Variants in SUPT3H observed in about 807,000 individuals in gnomAD.
The protein encoded by SUPT3H is transcription initiation protein SPT3 homolog.
A neutral mutation model predicts 44.3 loss-of-function variants in SUPT3H; 44 were observed. The observed-to-expected ratio is 0.99, with a 90% CI of 0.78 to 1.28. The LOEUF (loss-of-function observed/expected upper bound fraction) is 1.28. SUPT3H is among the 50% of genes most tolerant of loss of function. SUPT3H has a pLI of 0.00. For missense variants in SUPT3H, 380 were observed against 387.1 expected, an observed-to-expected ratio of 0.98 and a Z score of 0.15; for synonymous variants, 124 against 125.6, an observed-to-expected ratio of 0.99 and a Z score of 0.09.
chr6:44,989,577 C>T (rs1327326993), intron 6 of SUPT3H, among the ~76,000 whole-genome samples: 1 of 152,088 alleles, frequency 6.6e-6, no homozygotes, highest in Admixed American at 6.6e-5. Flanking sequence ...GAGGAACTTC[C>T]ATGCTGTTTT....
intron 2 of SUPT3H, among the ~76,000 whole-genome samples, chr6:45,267,500 T>C (rs1584582473): frequency 6.6e-6 from 1 of 152,246 alleles, no homozygotes; most frequent in South Asian, 2.1e-4. Context: ...AGTTATTGAA[T>C]TAAAAAATAT....
intron 7 of SUPT3H, among the ~76,000 whole-genome samples, chr6:44,959,640 T>C (rs1005835060): frequency 2.6e-5 from 4 of 152,118 alleles, no homozygotes; most frequent in Non-Finnish European, 5.9e-5. Flanking sequence ...TTTAAAAGAC[T>C]TTAAGAGAAA....
At chr6:45,343,909 C>A (rs1176891856) in intron 2 of SUPT3H, among the ~76,000 whole-genome samples, 1 of 152,174 alleles carries the variant, frequency 6.6e-6, no homozygotes, top group African/African-American at 2.4e-5. Flanking sequence ...CTCCACCTGA[C>A]AGGTCTACAG....
chr6:45,371,937 C>T (rs994123931), intron 1 of SUPT3H: 2 of 793,736 alleles, frequency 2.5e-6, no homozygotes, highest in African/African-American at 3.8e-5. Context: ...CAAGGACACA[C>T]TACTATTTAG....
At chr6:45,247,150 C>T (rs934660347) in intron 2 of SUPT3H, among the ~76,000 whole-genome samples, 15 of 152,076 alleles carry the variant, frequency 9.9e-5, no homozygotes, top group African/African-American at 1.7e-4. Context: ...ATAACGTTGA[C>T]GAATTAAAAG....
At chr6:45,128,813 A>G (rs9463069) in intron 2 of SUPT3H, among the ~76,000 whole-genome samples, 131,383 of 150,518 alleles carry the variant, frequency 0.87, 57,604 homozygotes, top group African/African-American at 0.92. Context: ...AGCCTCCTGA[A>G]TGGCTGGGAT....
In SUPT3H at chr6:45,114,829, T is replaced by C. The variant is rs144158656; in HGVS notation, c.102-8823A>G. Among the ~76,000 whole-genome samples, 490 of 152,200 alleles carry C rather than the reference T, an allele frequency of 3.2e-3. 2 individuals are homozygous for C. The highest frequency in any genetic ancestry group is 5.8e-3 in the Non-Finnish European group (391 of 67,966). On this transcript the variant is annotated intron_variant, in intron 2 of 10. Transcript: ENST00000371459. ...TTAGGTCAAAAAATAATCTAAAAGA[T>C]TACGTAGTCCTTTCATTCAGTTTTA...
At chr6:45,282,861 A>C (rs1191045289) in intron 2 of SUPT3H, among the ~76,000 whole-genome samples, 1 of 152,240 alleles carries the variant, frequency 6.6e-6, no homozygotes, top group Admixed American at 6.5e-5. Context: ...CACTAACGGA[A>C]GCCCATCAGA....
chr6:45,281,230 G>A (rs1336247003), intron 2 of SUPT3H, among the ~76,000 whole-genome samples: 1 of 152,238 alleles, frequency 6.6e-6, no homozygotes, highest in Non-Finnish European at 1.5e-5. Flanking sequence ...ACTGTGGACT[G>A]TCAGACAGTG....
intron 2 of SUPT3H, among the ~76,000 whole-genome samples, chr6:45,359,850 C>T (rs1424296369): frequency 6.6e-6 from 1 of 152,088 alleles, no homozygotes; most frequent in Non-Finnish European, 1.5e-5. Flanking sequence ...TCAAGACCAG[C>T]CTGGGCAACA....
chr6:45,114,358 T>C (rs1800530025), intron 2 of SUPT3H, among the ~76,000 whole-genome samples: 1 of 117,048 alleles, frequency 8.5e-6, no homozygotes, highest in Admixed American at 8.5e-5. Context: ...ATAATTTGTA[T>C]GTTAGAAAGA....
At chr6:45,169,114 T>C (rs976184905) in intron 2 of SUPT3H, among the ~76,000 whole-genome samples, 2 of 152,198 alleles carry the variant, frequency 1.3e-5, no homozygotes, top group African/African-American at 4.8e-5. Context: ...TTCTTCTTTA[T>C]AACTACAAAA....
chr6:45,046,576 C>T (rs1448266216), intron 3 of SUPT3H, among the ~76,000 whole-genome samples: 1 of 152,186 alleles, frequency 6.6e-6, no homozygotes, highest in Non-Finnish European at 1.5e-5. Context: ...AGTAATCCAC[C>T]CACCTCGGCC....
At chr6:45,298,670 C>A (rs1781663564) in intron 2 of SUPT3H, among the ~76,000 whole-genome samples, 1 of 152,104 alleles carries the variant, frequency 6.6e-6, no homozygotes, top group East Asian at 1.9e-4. Flanking sequence ...GTTATCAGAT[C>A]TGCTCAAATG....
intron 2 of SUPT3H, among the ~76,000 whole-genome samples, chr6:45,303,433 A>C (rs897617579): frequency 1.3e-5 from 2 of 152,196 alleles, no homozygotes; most frequent in Non-Finnish European, 2.9e-5. Flanking sequence ...ACAAAAAAGC[A>C]AACAATCCCA....
intron 2 of SUPT3H, chr6:45,322,894 A>G (rs757993361): frequency 6.2e-7 from 1 of 1,613,012 alleles, no homozygotes; most frequent in South Asian, 1.1e-5. Context: ...AAAGTTGAAG[A>G]ACGTTGTTCC....
intron 2 of SUPT3H, among the ~76,000 whole-genome samples, chr6:45,282,666 A>G (rs1033734277): frequency 1.3e-5 from 2 of 152,220 alleles, no homozygotes; most frequent in Non-Finnish European, 1.5e-5. Flanking sequence ...ACTCTGCAGG[A>G]TATTATCCAG....
At chr6:45,136,946 C>T (rs1804382833) in intron 2 of SUPT3H, among the ~76,000 whole-genome samples, 2 of 151,988 alleles carry the variant, frequency 1.3e-5, no homozygotes, top group Non-Finnish European at 2.9e-5. Flanking sequence ...TCAGCAAACT[C>T]CAGATAAGAT....
intron 6 of SUPT3H, among the ~76,000 whole-genome samples, chr6:44,989,269 C>T (rs183416557): frequency 1.8e-3 from 280 of 152,236 alleles, no homozygotes; most frequent in African/African-American, 6.6e-3. Flanking sequence ...CTGCACTTAG[C>T]ATAATATACT....
Sources: allele counts gnomAD v4.1 joint callset (sites outside exome capture counted in the v4.1 genomes callset), GRCh38; gene constraint gnomAD v4.1.1; transcripts MANE v1.5; gene names NCBI Gene and HGNC (gene_info 2026-07-23, HGNC 2026-07-21).